The following SEL1L2 variants were observed in gnomAD, a reference collection of about 807,000 sequenced individuals.
SEL1L2 encodes protein sel-1 homolog 2.
In SEL1L2, 89 loss-of-function variants were observed where a neutral mutation model predicts 98.8. The observed-to-expected ratio is 0.90, with a 90% confidence interval of 0.76 to 1.07. The LOEUF is 1.07. Ranked by LOEUF, SEL1L2 falls within the 50% of genes least tolerant of loss-of-function variation. The pLI is 0.00. For missense variants in SEL1L2, 788 were observed against 812.0 expected (o/e 0.97, Z 0.36); for synonymous variants, 262 against 278.5 (o/e 0.94, Z 0.59).
chr20:13,945,319 G>A (rs76053891), intron 2 of SEL1L2, among the ~76,000 whole-genome samples: 2,186 of 152,060 alleles, frequency 0.014, 36 homozygotes, highest in South Asian at 0.042. Context: ...ATATTCTTAC[G>A]TTTTTCTGCA....
In SEL1L2 at chr20:13,934,920, T is replaced by C. The variant is rs768765009; in HGVS notation, c.115-3149A>G. 2.6e-5 allele frequency among the ~76,000 whole-genome samples: 4 copies of C among 152,130 alleles called. No individual in the cohort carries two copies. The South Asian group carries it at 6.2e-4, about 24-fold the overall frequency. ...GGCCGAGAAACATAATCTATTTAGG[T>C]ATCTGGAAGAAGAGAACATGGATTT... On this transcript the variant is annotated intron_variant, in intron 2 of 19. Transcript: ENST00000284951.
chr20:13,869,886 A>C (rs1333586945), intron 13 of SEL1L2, among the ~76,000 whole-genome samples: 1 of 152,214 alleles, frequency 6.6e-6, no homozygotes, highest in Non-Finnish European at 1.5e-5. Flanking sequence ...TAAAGTCCTC[A>C]GAGGATAGAT....
chr20:13,951,955 T>C (rs978421293), intron 2 of SEL1L2, among the ~76,000 whole-genome samples: 1 of 152,126 alleles, frequency 6.6e-6, no homozygotes, highest in African/African-American at 2.4e-5. Context: ...GCAATTATCC[T>C]GCAAATCCTG....
At chr20:13,903,693 C>T (rs2047787835) in intron 5 of SEL1L2, among the ~76,000 whole-genome samples, 1 of 152,104 alleles carries the variant, frequency 6.6e-6, no homozygotes, top group African/African-American at 2.4e-5. Context: ...AGCCTGTAAT[C>T]CCAGCTACTA....
intron 1 of SEL1L2, among the ~76,000 whole-genome samples, chr20:13,983,933 A>C (rs951128275): frequency 6.6e-6 from 1 of 152,112 alleles, no homozygotes; most frequent in Non-Finnish European, 1.5e-5. Flanking sequence ...GATCCTGAAC[A>C]CTGCCACAAT....
intron 17 of SEL1L2, among the ~76,000 whole-genome samples, chr20:13,860,566 T>G (rs1989949845): frequency 6.6e-6 from 1 of 152,164 alleles, no homozygotes; most frequent in Non-Finnish European, 1.5e-5. Context: ...GGGCTCTTTA[T>G]TTCAAACTCT....
chr20:13,899,192 T>C (rs1455120289), intron 5 of SEL1L2, among the ~76,000 whole-genome samples: 1 of 152,230 alleles, frequency 6.6e-6, no homozygotes, highest in Non-Finnish European at 1.5e-5. Context: ...GTAACTCTTA[T>C]TTCCTTTTAC....
At chr20:13,935,029 C>G (rs185934200) in intron 2 of SEL1L2, among the ~76,000 whole-genome samples, 3 of 152,280 alleles carry the variant, frequency 2.0e-5, no homozygotes, top group Admixed American at 6.5e-5. Context: ...TCAACAATAA[C>G]TAGCATCTAA....
chr20:13,949,257 C>T (rs2148411605), intron 2 of SEL1L2, among the ~76,000 whole-genome samples: 1 of 152,280 alleles, frequency 6.6e-6, no homozygotes, highest in East Asian at 1.9e-4. Flanking sequence ...AGAGGATATG[C>T]AAATGGACAT....
chr20:13,952,208 A>G (rs182917186), intron 2 of SEL1L2, among the ~76,000 whole-genome samples: 17 of 152,296 alleles, frequency 1.1e-4, no homozygotes, highest in African/African-American at 4.1e-4. Flanking sequence ...ACCCCTACCA[A>G]GACACATTTT....
At chr20:13,887,327 T>C (rs1382812272) in intron 8 of SEL1L2, among the ~76,000 whole-genome samples, 1 of 152,228 alleles carries the variant, frequency 6.6e-6, no homozygotes, top group Admixed American at 6.5e-5. Context: ...TTATTCTGAT[T>C]ACATTTAGAC....
At chr20:13,946,901 C>T (rs554374858) in intron 2 of SEL1L2, among the ~76,000 whole-genome samples, 52 of 152,346 alleles carry the variant, frequency 3.4e-4, no homozygotes, top group African/African-American at 1.2e-3. Context: ...TCCCTGCTGC[C>T]TCAGCCCCTC....
Position 13,947,976 on chromosome 20 carries a change from TG to T in SEL1L2, c.114+8099del, listed in dbSNP as rs940559089. On this transcript the variant is annotated intron_variant, in intron 2 of 19. Transcript: ENST00000284951. ...ATGCTTGGCTCGCCCTTGGCAGTTG[TG>T]GGGTCCAGGCTGGTAGCATGAGCCA... Among the ~76,000 whole-genome samples the T allele has an allele frequency of 2.6e-5, 4 of 152,158 alleles. No individual in the cohort carries two copies. The East Asian group carries it at 7.7e-4, about 29-fold the overall frequency.
chr20:13,933,963 G>GTT (rs55934887), intron 2 of SEL1L2, among the ~76,000 whole-genome samples: 127,612 of 143,792 alleles, frequency 0.89, 56,684 homozygotes, highest in South Asian at 0.94. Flanking sequence ...TAAACCTAAG[G>GTT]TTTTTTTTTT....
intron 1 of SEL1L2, among the ~76,000 whole-genome samples, chr20:13,974,278 T>C (rs1216626809): frequency 3.9e-5 from 6 of 152,102 alleles, no homozygotes; most frequent in Non-Finnish European, 5.9e-5. Flanking sequence ...CTCTGATGCA[T>C]TTAAGAAGTT....
intron 3 of SEL1L2, among the ~76,000 whole-genome samples, chr20:13,924,951 C>A (rs2048818944): frequency 6.6e-6 from 1 of 151,918 alleles, no homozygotes; most frequent in Non-Finnish European, 1.5e-5. Context: ...CCAGCCTGGC[C>A]AACATGGTGA....
intron 18 of SEL1L2, among the ~76,000 whole-genome samples, chr20:13,855,378 T>C (rs1275788869): frequency 2.6e-5 from 4 of 152,114 alleles, no homozygotes; most frequent in Non-Finnish European, 4.4e-5. Context: ...TTTATTTGTA[T>C]GTTTGCTTGT....
chr20:13,970,388 A>G (rs1017904895), intron 1 of SEL1L2, among the ~76,000 whole-genome samples: 3 of 152,224 alleles, frequency 2.0e-5, no homozygotes, highest in African/African-American at 7.2e-5. Context: ...CCTATAAAAC[A>G]TGTATAAGGG....
Position 13,880,532 on chromosome 20 carries a change from C to A in SEL1L2, c.958-2944G>T, listed in dbSNP as rs1465717545. ...AACACCACGTGAAACTACCACCAAG[C>A]AAGCTACCTTGATGGATATACACGA... On this transcript the variant is annotated intron_variant, in intron 10 of 19. Transcript: ENST00000284951. 5.9e-5 allele frequency among the ~76,000 whole-genome samples: 9 copies of A among 152,100 alleles called. No individual in the cohort carries two copies. In the South Asian group the frequency reaches 6.2e-4, roughly 11 times the overall value.
Sources: gnomAD v4.1 joint callset for allele counts (sites outside exome capture counted in the v4.1 genomes callset) on GRCh38, gnomAD v4.1.1 for gene constraint, MANE v1.5 for transcripts, NCBI Gene and HGNC (gene_info 2026-07-23, HGNC 2026-07-21) for gene names.